The following INSYN2B variants were observed in gnomAD, a reference collection of about 807,000 sequenced individuals.
The protein encoded by INSYN2B is protein INSYN2B.
In INSYN2B, 16 loss-of-function variants were observed where a neutral mutation model predicts 41.2. The ratio of observed to expected loss-of-function variants is 0.39; its 90% CI spans 0.26 to 0.59. INSYN2B has a LOEUF of 0.59. Among genes scored for constraint, INSYN2B ranks in the 20% least tolerant of loss-of-function variants. The pLI, the probability that INSYN2B is intolerant of heterozygous loss-of-function variation, is 0.57. For synonymous variants in INSYN2B, 245 were observed against 244.4 expected, an observed-to-expected ratio of 1.00 and a Z score of -0.02; for missense variants, 608 against 646.4, an observed-to-expected ratio of 0.94 and a Z score of 0.64.
intron 1 of INSYN2B, among the ~76,000 whole-genome samples, chr5:169,933,592 T>C (rs1206872339): frequency 2.6e-5 from 4 of 152,220 alleles, no homozygotes; most frequent in Admixed American, 6.5e-5. Context: ...GAATCTTTAG[T>C]CCAGCTCCTT....
chr5:169,864,770 A>C (rs1771433359), intron 3 of INSYN2B, among the ~76,000 whole-genome samples: 1 of 152,186 alleles, frequency 6.6e-6, no homozygotes, highest in South Asian at 2.1e-4. Context: ...GGGTTTTGGC[A>C]TGTGTTATGC....
chr5:169,924,377 G>T (rs1390227595), intron 1 of INSYN2B, among the ~76,000 whole-genome samples: 1 of 152,150 alleles, frequency 6.6e-6, no homozygotes, highest in Non-Finnish European at 1.5e-5. Context: ...CCTCTTTTTA[G>T]TCAGTTTCCT....
chr5:169,877,326 G>T (rs974699542), intron 3 of INSYN2B, among the ~76,000 whole-genome samples: 1 of 152,190 alleles, frequency 6.6e-6, no homozygotes, highest in Non-Finnish European at 1.5e-5. Flanking sequence ...AGGATTACTT[G>T]AGATAAGGGA....
At chr5:169,871,389 AT>A (rs1333521463) in intron 3 of INSYN2B, among the ~76,000 whole-genome samples, 1 of 152,240 alleles carries the variant, frequency 6.6e-6, no homozygotes, top group Non-Finnish European at 1.5e-5. Context: ...AAAAATAATA[AT>A]TATGATAAAA....
intron 1 of INSYN2B, among the ~76,000 whole-genome samples, chr5:169,974,523 C>T (rs1002111980): frequency 1.3e-5 from 2 of 152,190 alleles, no homozygotes; most frequent in Non-Finnish European, 2.9e-5. Flanking sequence ...CTGTCAGAGA[C>T]TTCACATCCT....
At chr5:169,941,792 A>C (rs1776255991) in intron 1 of INSYN2B, among the ~76,000 whole-genome samples, 1 of 152,180 alleles carries the variant, frequency 6.6e-6, no homozygotes, top group Admixed American at 6.5e-5. Context: ...GCTTTCTTGC[A>C]TTGCAGGGAT....
At chr5:169,960,698 A>ATCCATGGTTTTACTT (rs1198076032) in intron 1 of INSYN2B, among the ~76,000 whole-genome samples, 11 of 152,098 alleles carry the variant, frequency 7.2e-5, no homozygotes, top group Admixed American at 7.2e-4. Flanking sequence ...TCCTCCCACA[A>ATCCATGGTTTTACTT]TCCATGGTTT....
intron 1 of INSYN2B, among the ~76,000 whole-genome samples, chr5:169,955,226 AG>A (rs1209295701): frequency 6.6e-6 from 1 of 152,222 alleles, no homozygotes; most frequent in Non-Finnish European, 1.5e-5. Flanking sequence ...CTGCAGGAGA[AG>A]GGGAGATGCC....
At chr5:169,875,000 T>A (rs1230711294) in intron 3 of INSYN2B, among the ~76,000 whole-genome samples, 1 of 152,114 alleles carries the variant, frequency 6.6e-6, no homozygotes, top group Non-Finnish European at 1.5e-5. Flanking sequence ...ATTAGGTCTA[T>A]ATATGATCAT....
At chr5:169,941,228 T>C (rs1776232589) in intron 1 of INSYN2B, among the ~76,000 whole-genome samples, 2 of 152,150 alleles carry the variant, frequency 1.3e-5, no homozygotes, top group Non-Finnish European at 2.9e-5. Flanking sequence ...TATTTTTTGA[T>C]GTGGAGTTTT....
At chr5:169,954,171 G>C (rs1036520908) in intron 1 of INSYN2B, among the ~76,000 whole-genome samples, 2 of 152,188 alleles carry the variant, frequency 1.3e-5, no homozygotes, top group African/African-American at 4.8e-5. Flanking sequence ...ATGTTTAAAA[G>C]AGGTTTTAAT....
rs1008723323 is a variant in INSYN2B at position 169,862,604 on chromosome 5, C to T, written c.*1669G>A. On this transcript the variant is annotated 3_prime_UTR_variant, in exon 4 of 4. Transcript: ENST00000377365. ...TGTATTTATCTTAATTCTAACATGA[C>T]GTTATATATTCCGGTCTGATTCTGT... Among the ~76,000 whole-genome samples, 15 of 152,160 alleles carry T rather than the reference C, an allele frequency of 9.9e-5. No homozygotes were observed. The highest frequency in any genetic ancestry group is 7.2e-4 in the Admixed American group (11 of 15,284).
Position 169,864,213 on chromosome 5 carries a change from G to T in INSYN2B, c.*60C>A. On this transcript the variant is annotated 3_prime_UTR_variant, in exon 4 of 4. Coordinates refer to ENST00000377365, the MANE Select transcript of INSYN2B (RefSeq NM_001129891.3). ...AAGCAGGGCAGGCCTTAAGTGCAGT[G>T]GATTTCCCATCTCAGGGAAGTGCGT... 1 of 1,422,862 alleles carries T rather than the reference G, an allele frequency of 7.0e-7. No individual in the cohort carries two copies. The highest frequency in any genetic ancestry group is 9.7e-7 in the Non-Finnish European group (1 of 1,030,492). 88.1% of individuals were successfully genotyped at this position (1,422,862 alleles called of 1,614,324 possible).
intron 1 of INSYN2B, among the ~76,000 whole-genome samples, chr5:169,967,654 G>T (rs558386706): frequency 1.3e-5 from 2 of 152,278 alleles, no homozygotes; most frequent in East Asian, 3.9e-4. Context: ...CCATTATAGA[G>T]AGATCACACT....
At position 169,980,275 on chromosome 5, in the gene INSYN2B, A is replaced by AC. The variant is rs1470767275; in HGVS notation, c.-919+1dup. ...AAAATAAAACCTACCCACATCTCTTACCTTGAAGCAGTGGAATTACCTGCA... is the reference window on the plus strand; with the variant it reads ...AAAATAAAACCTACCCACATCTCTTACCCTTGAAGCAGTGGAATTACCTGCA... On this transcript the variant is annotated splice_donor_variant, in intron 1 of 3. Transcript: ENST00000377365. LOFTEE classifies it low-confidence loss of function (5UTR_SPLICE). 2 of 152,142 alleles carry AC rather than the reference A, an allele frequency of 1.3e-5. No homozygotes were observed. Among genetic ancestry groups the AC allele is most frequent in the African/African-American group, 4.8e-5 (2 of 41,436 alleles). 9.4% of individuals were successfully genotyped at this position (152,142 alleles called of 1,614,324 possible).
At chr5:169,880,016 T>C (rs1217365374) in intron 3 of INSYN2B, among the ~76,000 whole-genome samples, 4 of 152,210 alleles carry the variant, frequency 2.6e-5, no homozygotes, top group African/African-American at 7.2e-5. Context: ...TGTCTAGACA[T>C]TTAATAATTT....
At chr5:169,868,895 G>A (rs574177813) in intron 3 of INSYN2B, among the ~76,000 whole-genome samples, 134 of 152,304 alleles carry the variant, frequency 8.8e-4, no homozygotes, top group Middle Eastern at 6.8e-3. Flanking sequence ...CCAACATAGA[G>A]GATGGAGTGA....
intron 1 of INSYN2B, among the ~76,000 whole-genome samples, chr5:169,926,036 T>C (rs1775432624): frequency 6.6e-6 from 1 of 152,200 alleles, no homozygotes; most frequent in Non-Finnish European, 1.5e-5. Context: ...CAGCTCTGGT[T>C]AGTCTCTGAG....
In INSYN2B at chr5:169,915,823, A is replaced by G. The variant is rs148314594; in HGVS notation, c.-918-31007T>C. Among the ~76,000 whole-genome samples, 7 of 152,350 alleles carry G rather than the reference A, an allele frequency of 4.6e-5. No individual in the cohort carries two copies. In the East Asian group the frequency reaches 1.4e-3, roughly 29 times the overall value. On this transcript the variant is annotated intron_variant, in intron 1 of 3. Coordinates refer to ENST00000377365, the MANE Select transcript of INSYN2B (RefSeq NM_001129891.3). ...ATCCCAAAACTGAGCTGGTACATAA[A>G]TCTAAGAAATGCAGGTGTGAGATTG...
Sources: allele counts gnomAD v4.1 joint callset (sites outside exome capture counted in the v4.1 genomes callset), GRCh38; gene constraint gnomAD v4.1.1; transcripts MANE v1.5; gene names NCBI Gene and HGNC (gene_info 2026-07-23, HGNC 2026-07-21).